FMO4: variants seen among roughly 807,000 people sequenced by gnomAD.
FMO4 encodes the protein dimethylaniline monooxygenase [N-oxide-forming] 4.
FMO4 carries 38 observed loss-of-function variants against 43.3 expected under a neutral mutation model. That is an observed-to-expected ratio of 0.88 (90% CI 0.68 to 1.15). FMO4 has a LOEUF of 1.15. Among genes scored for constraint, FMO4 ranks in the 50% most tolerant of loss-of-function variants. The pLI, the probability that FMO4 is intolerant of heterozygous loss-of-function variation, is 0.00. For missense variants in FMO4, 631 were observed against 663.3 expected, an observed-to-expected ratio of 0.95 and a Z score of 0.54; for synonymous variants, 224 against 232.2, an observed-to-expected ratio of 0.96 and a Z score of 0.32.
intron 5 of FMO4, among the ~76,000 whole-genome samples, chr1:171,324,594 A>T (rs912661190): frequency 6.6e-6 from 1 of 152,204 alleles, no homozygotes; most frequent in Non-Finnish European, 1.5e-5. Context: ...ATGAAAAAGA[A>T]CAGGCTTTGA....
chr1:171,340,044 G>A (rs764840854), intron 9 of FMO4, among the ~76,000 whole-genome samples: 3 of 152,186 alleles, frequency 2.0e-5, no homozygotes, highest in South Asian at 2.1e-4. Context: ...GCTTGCCCTC[G>A]TGCCTGGGTG....
rs576496027 is a variant in FMO4 at position 171,318,735 on chromosome 1, T to C, written c.-8-1083T>C. 5.0e-4 allele frequency among the ~76,000 whole-genome samples: 76 copies of C among 152,320 alleles called. 1 individual carries two copies. The highest frequency in any genetic ancestry group is 1.7e-3 in the African/African-American group (71 of 41,590). On this transcript the variant is annotated intron_variant, in intron 2 of 9. Transcript: ENST00000367749. ...GCTAAATTTAGTTGAGCACTTACTA[T>C]GTAGCAGGCACACTTCTAAAACCAT...
chr1:171,328,914 C>T (rs1662786987), intron 5 of FMO4, among the ~76,000 whole-genome samples: 1 of 146,012 alleles, frequency 6.8e-6, no homozygotes. Context: ...CATTATAAGT[C>T]ACCCAAAAAC....
chr1:171,328,379 G>C (rs530177658), intron 5 of FMO4, among the ~76,000 whole-genome samples: 1 of 152,038 alleles, frequency 6.6e-6, no homozygotes, highest in African/African-American at 2.4e-5. Context: ...GGTCGGGCGC[G>C]GTGGCTCACA....
intron 8 of FMO4, 29 bp from the exon 9 acceptor site, chr1:171,337,327 T>G: frequency 6.7e-7 from 1 of 1,501,266 alleles, no homozygotes. Context: ...CACATGTGAC[T>G]TTAGTGTTGT....
intron 7 of FMO4, among the ~76,000 whole-genome samples, chr1:171,333,421 A>G (rs1406769426): frequency 1.3e-5 from 2 of 151,884 alleles, no homozygotes; most frequent in Non-Finnish European, 2.9e-5. Flanking sequence ...ACAGTGTTTC[A>G]CCATGTTGGC....
At position 171,324,239 on chromosome 1, in the gene FMO4, T is replaced by C; in HGVS notation, c.423T>C (p.Asp141=). Residue 141 remains aspartate (D), a synonymous_variant, in exon 5 of 10, where the codon GAT becomes GAC. Coordinates refer to ENST00000367749, the MANE Select transcript of FMO4 (RefSeq NM_002022.3). ...TEGKQNRAVF[D]AVMVCTGHFL... is the part of the protein sequence containing the mutation. ...GCAAGCAAAATAGAGCTGTCTTTGA[T>C]GCTGTTATGGTTTGCACTGGACATT... 1 of 1,613,774 alleles carries C rather than the reference T, an allele frequency of 6.2e-7. No individual in the cohort carries two copies. The highest frequency in any genetic ancestry group is 8.5e-7 in the Non-Finnish European group (1 of 1,179,800).
chr1:171,327,095 C>T (rs1231943970), intron 5 of FMO4, among the ~76,000 whole-genome samples: 1 of 152,106 alleles, frequency 6.6e-6, no homozygotes, highest in African/African-American at 2.4e-5. Flanking sequence ...AAAGTTGAGC[C>T]CTCCAGTAAA....
intron 5 of FMO4, among the ~76,000 whole-genome samples, 177 bp from the exon 6 acceptor site, chr1:171,331,463 C>G (rs1024713162): frequency 1.3e-5 from 2 of 152,164 alleles, no homozygotes; most frequent in Non-Finnish European, 2.9e-5. Context: ...CACATCTGGG[C>G]TCACAGCATC....
In FMO4 at chr1:171,324,301, G is replaced by C. The variant is rs1378597675; in HGVS notation, c.484+1G>C. 6.2e-7 allele frequency: 1 copy of C among 1,602,222 alleles called. No homozygotes were observed. The highest frequency in any genetic ancestry group is 1.3e-5 in the African/African-American group (1 of 74,560). On this transcript the variant is annotated splice_donor_variant, in intron 5 of 9. Transcript: ENST00000367749. LOFTEE classifies it high-confidence loss of function. The stretch of plus-strand genomic sequence containing the variant: ...CATTTACCTTTGGAAGCCTTTCCTG[G>C]TGAGTCATTTCTACCTGAGACCATG...
At chr1:171,325,065 C>T (rs560804546) in intron 5 of FMO4, among the ~76,000 whole-genome samples, 5 of 152,076 alleles carry the variant, frequency 3.3e-5, no homozygotes, top group South Asian at 4.1e-4. Context: ...GCAAAGATCA[C>T]GTCACTGAAC....
In FMO4 at chr1:171,341,726, G is replaced by C; in HGVS notation, c.1564G>C (p.Val522Leu). Residue 522 changes from valine to leucine, a missense_variant, in exon 10 of 10, where the codon GTC becomes CTC. Transcript: ENST00000367749. ...SHYLKAWGAPVLLASLLLICK... is the reference protein window; with the variant it reads ...SHYLKAWGAPLLLASLLLICK... ...TTATTTAAAAGCCTGGGGGGCACCT[G>C]TCCTACTTGCCTCTCTTCTACTTAT... 1 of 1,613,814 alleles carries C rather than the reference G, an allele frequency of 6.2e-7. No individual in the cohort carries two copies. The highest frequency in any genetic ancestry group is 8.5e-7 in the Non-Finnish European group (1 of 1,179,888).
intron 8 of FMO4, among the ~76,000 whole-genome samples, chr1:171,335,123 AT>A (rs1205460648): frequency 1.3e-5 from 2 of 152,212 alleles, no homozygotes; most frequent in Non-Finnish European, 2.9e-5. Context: ...AAAGAAAGAT[AT>A]TGGAATAATA....
At chr1:171,338,945 A>T (rs1400626329) in intron 9 of FMO4, among the ~76,000 whole-genome samples, 1 of 152,244 alleles carries the variant, frequency 6.6e-6, no homozygotes, top group East Asian at 1.9e-4. Context: ...GAATGAATGA[A>T]TGATTGACAT....
rs776681630 is a variant in FMO4 at position 171,323,182 on chromosome 1, T to C, written c.311T>C (p.Ile104Thr). The change falls in exon 4 of 10, where the codon ATT (isoleucine) becomes ACT (threonine). Residue 104 changes from isoleucine to threonine, a missense_variant. Physicochemically the swap from Ile to Thr is moderately conservative, Grantham distance 89 (BLOSUM62 -1). Coordinates refer to ENST00000367749, the MANE Select transcript of FMO4 (RefSeq NM_002022.3). Reference protein sequence around the residue: ...FAEHFDLLKYIQFKTTVCSIT... With the variant: ...FAEHFDLLKYTQFKTTVCSIT... ...GAGCACTTTGACCTCCTGAAATACA[T>C]TCAGTTTAAGGTAAGATACTTTGGG... The C allele has an allele frequency of 2.5e-6, 4 of 1,611,756 alleles. No homozygotes were observed. The highest frequency in any genetic ancestry group is 3.4e-6 in the Non-Finnish European group (4 of 1,178,184).
chr1:171,324,301 G>T lies in FMO4; in HGVS notation c.484+1G>T, dbSNP rs1378597675. On this transcript the variant is annotated splice_donor_variant, in intron 5 of 9. Transcript: ENST00000367749. LOFTEE classifies it high-confidence loss of function. ...CATTTACCTTTGGAAGCCTTTCCTGGTGAGTCATTTCTACCTGAGACCATG... is the reference window on the plus strand; with the variant it reads ...CATTTACCTTTGGAAGCCTTTCCTGTTGAGTCATTTCTACCTGAGACCATG... 1 of 1,602,222 alleles carries T rather than the reference G, an allele frequency of 6.2e-7. No homozygotes were observed. Among genetic ancestry groups the T allele is most frequent in the African/African-American group, 1.3e-5 (1 of 74,560 alleles).
chr1:171,319,517 CTCAG>C (rs368466983), intron 2 of FMO4, among the ~76,000 whole-genome samples: 35 of 152,310 alleles, frequency 2.3e-4, no homozygotes, highest in African/African-American at 8.4e-4. Context: ...CTCTCTCCTA[CTCAG>C]TATTTCCTTG....
chr1:171,318,393 G>A (rs1662278319), intron 2 of FMO4, among the ~76,000 whole-genome samples: 1 of 151,970 alleles, frequency 6.6e-6, no homozygotes, highest in Admixed American at 6.6e-5. Context: ...GCTCACTCCT[G>A]TAATACTAGC....
intron 3 of FMO4, 64 bp downstream of exon 3, chr1:171,320,021 G>A (rs552187542): frequency 8.6e-5 from 136 of 1,582,858 alleles, no homozygotes; most frequent in Non-Finnish European, 1.1e-4. Flanking sequence ...CAGACATGGT[G>A]GCTTTAGCCT....
Sources: gnomAD v4.1 joint callset for allele counts (sites outside exome capture counted in the v4.1 genomes callset) on GRCh38, gnomAD v4.1.1 for gene constraint, MANE v1.5 for transcripts, NCBI Gene and HGNC (gene_info 2026-07-23, HGNC 2026-07-21) for gene names.